Variants in TNS3 observed in about 807,000 individuals in gnomAD.
The protein encoded by TNS3 is tensin-3.
Under a neutral mutation model 140.9 loss-of-function variants are expected in TNS3, and 45 were observed. The ratio of observed to expected loss-of-function variants is 0.32; its 90% CI spans 0.25 to 0.41. The LOEUF (loss-of-function observed/expected upper bound fraction) is 0.41. Among genes scored for constraint, TNS3 ranks in the 10% least tolerant of loss-of-function variants. TNS3 has a pLI of 1.00. For synonymous variants in TNS3, 815 were observed against 788.4 expected (o/e 1.03, Z -0.56); for missense variants, 1,716 against 1,906.7 (o/e 0.90, Z 1.86).
intron 2 of TNS3, among the ~76,000 whole-genome samples, chr7:47,524,525 G>T (rs1400626439): frequency 6.6e-6 from 1 of 152,144 alleles, no homozygotes; most frequent in South Asian, 2.1e-4. Context: ...ATGGGAGGCC[G>T]GGCGCGGTGG....
At chr7:47,478,705 ATT>A (rs1797291003) in intron 4 of TNS3, among the ~76,000 whole-genome samples, 1 of 152,142 alleles carries the variant, frequency 6.6e-6, no homozygotes, top group Non-Finnish European at 1.5e-5. Flanking sequence ...ATACATATAT[ATT>A]CACATACATA....
intron 10 of TNS3, among the ~76,000 whole-genome samples, chr7:47,419,936 G>C (rs1387779403): frequency 6.6e-6 from 1 of 152,154 alleles, no homozygotes; most frequent in Non-Finnish European, 1.5e-5. Context: ...TTTCCAGGGG[G>C]CTGATTTGGG....
rs751453790 is a variant in TNS3, at chr7:47,346,278, T to C, written c.2360A>G (p.Gln787Arg). Residue 787 changes from glutamine to arginine, a missense_variant, in exon 18 of 31, where the codon CAG (glutamine) becomes CGG (arginine). Transcript: ENST00000311160. ...LGQYDNDAGG[Q>R]LPFSKCAWGK... ...CCATGCACATTTGGAGAAGGGCAGC[T>C]GCCCCCCAGCATCGTTGTCGTACTG... 2.5e-6 allele frequency: 4 copies of C among 1,614,230 alleles called. No homozygotes were observed. The South Asian group carries it at 3.3e-5, about 13-fold the overall frequency.
intron 16 of TNS3, among the ~76,000 whole-genome samples, chr7:47,378,731 T>G (rs898199978): frequency 1.3e-5 from 2 of 152,192 alleles, no homozygotes; most frequent in African/African-American, 4.8e-5. Context: ...GACCGAAGCA[T>G]GTCCAAGTTT....
rs1562675294 is a variant in TNS3 at position 47,389,082 on chromosome 7, AAGAGGAAGAGGAAGAGGAAGCGGAAGC to A, written c.1024+7691_1024+7717del. Among the ~76,000 whole-genome samples, 65 of 71,258 alleles carry A rather than the reference AAGAGGAAGAGGAAGAGGAAGCGGAAGC, an allele frequency of 9.1e-4. 14 individuals carry two copies. The highest frequency in any genetic ancestry group is 4.7e-3 in the African/African-American group (63 of 13,394). The allele number at this position is 71,258 out of a possible 152,430, so 46.7% of individuals were successfully genotyped here. A position where few individuals can be genotyped will look rare whatever the true frequency, so the allele number is the denominator to read the frequency against. On this transcript the variant is annotated intron_variant, in intron 16 of 30. Transcript: ENST00000311160. The stretch of plus-strand genomic sequence containing the variant: ...GAAGAAGAAGAAGAAGAAGAAGAAG[AAGAGGAAGAGGAAGAGGAAGCGGAAGC>A]AGAAGAAGAAGAAGAAGAAGAAGAA...
intron 4 of TNS3, among the ~76,000 whole-genome samples, chr7:47,460,141 A>G (rs1796422617): frequency 6.8e-6 from 1 of 148,128 alleles, no homozygotes. Flanking sequence ...TGAACCTGAG[A>G]GGCGGAGCTT....
chr7:47,496,633 T>C (rs1233354287), intron 3 of TNS3, among the ~76,000 whole-genome samples: 1 of 152,184 alleles, frequency 6.6e-6, no homozygotes, highest in Non-Finnish European at 1.5e-5. Context: ...AAACAGAGTC[T>C]GAGTGGGAGA....
At chr7:47,559,947 A>G (rs1800289613) in intron 1 of TNS3, among the ~76,000 whole-genome samples, 1 of 152,160 alleles carries the variant, frequency 6.6e-6, no homozygotes, top group African/African-American at 2.4e-5. Context: ...GCATGAAGGG[A>G]TTCACGATGC....
chr7:47,513,146 T>C (rs1798666931), intron 2 of TNS3, among the ~76,000 whole-genome samples: 2 of 152,242 alleles, frequency 1.3e-5, no homozygotes, highest in African/African-American at 4.8e-5. Context: ...AAATGATTTT[T>C]AAATTTATTA....
At chr7:47,470,502 C>G (rs1003501844) in intron 4 of TNS3, 1 of 985,326 alleles carries the variant, frequency 1.0e-6, no homozygotes, top group Non-Finnish European at 1.2e-6. Context: ...TTCATTCATT[C>G]GAAACACTGC....
intron 28 of TNS3, among the ~76,000 whole-genome samples, chr7:47,282,137 C>T (rs773042156): frequency 3.1e-4 from 47 of 150,282 alleles, no homozygotes; most frequent in African/African-American, 1.1e-3. Flanking sequence ...CCACACCCAA[C>T]GGGAACCCTG....
At chr7:47,428,060 T>A (rs1387262565) in intron 9 of TNS3, among the ~76,000 whole-genome samples, 1 of 152,196 alleles carries the variant, frequency 6.6e-6, no homozygotes, top group Non-Finnish European at 1.5e-5. Context: ...TCACTTATTT[T>A]TTTAATGCCT....
intron 1 of TNS3, among the ~76,000 whole-genome samples, chr7:47,539,873 T>C (rs574388428): frequency 3.9e-5 from 6 of 152,266 alleles, no homozygotes; most frequent in African/African-American, 1.4e-4. Context: ...AACACCGGTG[T>C]TCACTGCCTG....
chr7:47,540,488 G>A (rs575537671), intron 1 of TNS3, among the ~76,000 whole-genome samples: 1 of 152,336 alleles, frequency 6.6e-6, no homozygotes, highest in South Asian at 2.1e-4. Flanking sequence ...TTTGTCACTG[G>A]AAACTGGAGG....
At chr7:47,504,695 C>T (rs972046285) in intron 3 of TNS3, among the ~76,000 whole-genome samples, 2 of 152,184 alleles carry the variant, frequency 1.3e-5, no homozygotes, top group Non-Finnish European at 2.9e-5. Context: ...CCTGGAAGAC[C>T]GAGCGGCTCC....
chr7:47,392,664 G>A (rs780498475), intron 16 of TNS3, among the ~76,000 whole-genome samples: 7 of 152,324 alleles, frequency 4.6e-5, no homozygotes, highest in East Asian at 1.9e-4. Flanking sequence ...CCCGCCAGGC[G>A]GCGTCCAGTC....
chr7:47,368,463 T>C lies in TNS3; in HGVS notation c.2183A>G (p.Asn728Ser), dbSNP rs1790838254. 15 of 1,586,074 alleles carry C rather than the reference T, an allele frequency of 9.5e-6. No homozygotes were observed. The highest frequency in any genetic ancestry group is 1.3e-5 in the Non-Finnish European group (15 of 1,160,488). The change falls in exon 17 of 31, where the codon AAT (asparagine) becomes AGT (serine). Residue 728 changes from asparagine to serine, a missense_variant. Coordinates refer to ENST00000311160, the MANE Select transcript of TNS3 (RefSeq NM_022748.12). The stretch of plus-strand genomic sequence containing the variant: ...CACGCTGTCTGGAGACACAGAGCCA[T>C]TGGCCTGGCTACCGAGGGCGTTCAT... ...THMNALGSQA[N>S]GSVSPDSVGG...
intron 4 of TNS3, among the ~76,000 whole-genome samples, chr7:47,443,488 A>T (rs1229793833): frequency 1.3e-5 from 2 of 152,210 alleles, no homozygotes; most frequent in Non-Finnish European, 2.9e-5. Context: ...AGCTCAGACT[A>T]GACAGCTACA....
At chr7:47,345,987 T>C (rs1344863459) in intron 18 of TNS3, among the ~76,000 whole-genome samples, 200 bp downstream of exon 18, 1 of 152,140 alleles carries the variant, frequency 6.6e-6, no homozygotes, top group African/African-American at 2.4e-5. Context: ...GACTGCACAC[T>C]GTGCTCTCCC....
Sources: allele counts gnomAD v4.1 joint callset (sites outside exome capture counted in the v4.1 genomes callset), GRCh38; gene constraint gnomAD v4.1.1; transcripts MANE v1.5; gene names NCBI Gene and HGNC (gene_info 2026-07-23, HGNC 2026-07-21).